PANK2: variants seen among roughly 807,000 people sequenced by gnomAD.
PANK2 encodes the protein pantothenate kinase 2.
PANK2 carries 36 observed loss-of-function variants against 43.1 expected under a neutral mutation model. That is an observed-to-expected ratio of 0.84 (90% CI 0.64 to 1.10). The LOEUF is 1.10. Among genes scored for constraint, PANK2 ranks in the 50% least tolerant of loss-of-function variants. The pLI is 0.00. For missense variants in PANK2, 576 were observed against 593.3 expected (o/e 0.97, Z 0.30); for synonymous variants, 281 against 238.2 (o/e 1.18, Z -1.66).
At chr20:3,900,654 C>T (rs910163147) in intron 1 of PANK2, among the ~76,000 whole-genome samples, 1 of 151,908 alleles carries the variant, frequency 6.6e-6, no homozygotes, top group Non-Finnish European at 1.5e-5. Context: ...CTCCTTTTCT[C>T]TCCTAATTCC....
In PANK2 at chr20:3,889,466, G is replaced by A; in HGVS notation, c.36G>A (p.Leu12=). ...TGCTCGGGCGGCAGCGACTGCTGCTGCGGATGGGAGGGGGCCGGCTCGGCG... is the reference window on the plus strand; with the variant it reads ...TGCTCGGGCGGCAGCGACTGCTGCTACGGATGGGAGGGGGCCGGCTCGGCG... The change falls in exon 1 of 7, where the codon CTG becomes CTA. Residue 12 remains leucine, a synonymous_variant. Coordinates refer to ENST00000610179, the MANE Select transcript of PANK2 (RefSeq NM_001386393.1). 6.5e-7 allele frequency: 1 copy of A among 1,536,376 alleles called. No individual in the cohort carries two copies. The highest frequency in any genetic ancestry group is 1.2e-5 in the South Asian group (1 of 83,002).
chr20:3,894,823 G>A (rs1264620645), intron 1 of PANK2, among the ~76,000 whole-genome samples: 1 of 152,084 alleles, frequency 6.6e-6, no homozygotes, highest in Non-Finnish European at 1.5e-5. Flanking sequence ...CAATAAGCAG[G>A]GACTAAAAAT....
chr20:3,889,362 GGCGGCCGGCCGAGGGC>G (rs767580740), upstream of PANK2: 1 of 1,580,026 alleles, frequency 6.3e-7, no homozygotes, highest in Non-Finnish European at 8.6e-7. Flanking sequence ...CAACGGAAGA[GGCGGCCGGCCGAGGGC>G]GCGCCTCTGC....
intron 1 of PANK2, among the ~76,000 whole-genome samples, chr20:3,899,074 C>G (rs375051086): frequency 6.6e-6 from 1 of 151,838 alleles, no homozygotes; most frequent in East Asian, 1.9e-4. Context: ...CGGGGTTTCA[C>G]CATCTTGGCC....
chr20:3,889,915 G>T (rs930451953), intron 1 of PANK2, 187 bp downstream of exon 1: 1 of 1,530,986 alleles, frequency 6.5e-7, no homozygotes, highest in Admixed American at 2.0e-5. Context: ...ACCTTCGGGG[G>T]CCCCCCCGCA....
rs1286208693 is a variant in PANK2, at chr20:3,925,499, G to A, written c.*2205G>A. ...TCCGCCTGCCTTGGCCTCCCAAAGT[G>A]CTGGGAATACAGGTGTGAGCCCCTG... On this transcript the variant is annotated 3_prime_UTR_variant, in exon 7 of 7. Coordinates refer to ENST00000610179, the MANE Select transcript of PANK2 (RefSeq NM_001386393.1). 2 of 152,362 alleles carry A rather than the reference G, an allele frequency of 1.3e-5. No homozygotes were observed. Among genetic ancestry groups the A allele is most frequent in the East Asian group, 3.8e-4 (2 of 5,196 alleles). The allele number at this position is 152,362 out of a possible 1,614,324, so 9.4% of individuals were successfully genotyped here.
At position 3,908,032 on chromosome 20, in the gene PANK2, TAA is replaced by T; in HGVS notation, c.408_409del (p.Ser137HisfsTer44). On this transcript the variant is annotated frameshift_variant, in exon 2 of 7. Coordinates refer to ENST00000610179, the MANE Select transcript of PANK2 (RefSeq NM_001386393.1). LOFTEE classifies it high-confidence loss of function. ...AAGAAGAGGAAGAAGTGGAAAGTCT[TAA>T]AAGCATTCGGAAGTACCTGACCTCC... 1.2e-6 allele frequency: 2 copies of T among 1,614,120 alleles called. No homozygotes were observed. Among genetic ancestry groups the T allele is most frequent in the Non-Finnish European group, 1.7e-6 (2 of 1,179,992 alleles).
intron 1 of PANK2, among the ~76,000 whole-genome samples, chr20:3,902,421 C>T (rs1015950925): frequency 6.6e-6 from 1 of 151,672 alleles, no homozygotes; most frequent in African/African-American, 2.4e-5. Flanking sequence ...CTTCCACCTC[C>T]CAGGTTCAAG....
chr20:3,892,738 C>T lies in PANK2; in HGVS notation c.298+3010C>T, dbSNP rs148145441. ...ACTTGTCTAAAGGTGCAGATAGATA[C>T]TAGTTGTCATTTGAAAGTCGAAGGA... On this transcript the variant is annotated intron_variant, in intron 1 of 6. Coordinates refer to ENST00000610179, the MANE Select transcript of PANK2 (RefSeq NM_001386393.1). Among the ~76,000 whole-genome samples the T allele has an allele frequency of 4.7e-3, 697 of 148,738 alleles. 7 individuals are homozygous for T. The highest frequency in any genetic ancestry group is 0.023 in the Admixed American group (342 of 14,896).
intron 3 of PANK2, 133 bp downstream of exon 3, chr20:3,910,963 CTT>C: frequency 8.6e-7 from 1 of 1,158,016 alleles, no homozygotes; most frequent in South Asian, 1.4e-5. Flanking sequence ...AAATGTTTCT[CTT>C]TGAAAATTCT....
chr20:3,911,585 A>AT (rs2090469069), intron 3 of PANK2, among the ~76,000 whole-genome samples: 1 of 149,084 alleles, frequency 6.7e-6, no homozygotes, highest in Admixed American at 6.7e-5. Context: ...CTCCGTCTCA[A>AT]AAAAAAAAGA....
chr20:3,890,037 C>A, intron 1 of PANK2: 1 of 900,848 alleles, frequency 1.1e-6, no homozygotes, highest in Non-Finnish European at 1.6e-6. Context: ...ATGATTTTAT[C>A]CTCGAGAAGG....
At chr20:3,895,341 C>T (rs2090188508) in intron 1 of PANK2, among the ~76,000 whole-genome samples, 1 of 151,754 alleles carries the variant, frequency 6.6e-6, no homozygotes, top group Admixed American at 6.6e-5. Context: ...GGCACATGGT[C>T]GTAGTCCCAG....
At chr20:3,903,170 A>C (rs1042741014) in intron 1 of PANK2, among the ~76,000 whole-genome samples, 3 of 147,424 alleles carry the variant, frequency 2.0e-5, no homozygotes, top group African/African-American at 7.6e-5. Flanking sequence ...TTTGAGACGG[A>C]GTCTCCCTCT....
chr20:3,891,928 A>G (rs552815708), intron 1 of PANK2, among the ~76,000 whole-genome samples: 1 of 152,238 alleles, frequency 6.6e-6, no homozygotes, highest in Non-Finnish European at 1.5e-5. Context: ...TCTCTGGCTG[A>G]TAAATCATGA....
chr20:3,911,543 C>T lies in PANK2; in HGVS notation c.905+713C>T, dbSNP rs147007229. 4.9e-3 allele frequency among the ~76,000 whole-genome samples: 735 copies of T among 150,038 alleles called. 10 individuals are homozygous for T. The highest frequency in any genetic ancestry group is 0.017 in the African/African-American group (706 of 40,790). ...AGGTTGCAGTAAGCCGAGATTATGC[C>T]ACTGCACTCCAGCCTGGGTGACAGA... is the stretch of plus-strand genomic sequence containing the variant. On this transcript the variant is annotated intron_variant, in intron 3 of 6. Coordinates refer to ENST00000610179, the MANE Select transcript of PANK2 (RefSeq NM_001386393.1).
Position 3,925,297 on chromosome 20 carries a change from G to A in PANK2, c.*2003G>A, listed in dbSNP as rs761125416. The A allele has an allele frequency of 7.9e-5, 12 of 152,714 alleles. No individual in the cohort carries two copies. The highest frequency in any genetic ancestry group is 1.7e-4 in the African/African-American group (7 of 41,582). 9.5% of individuals were successfully genotyped at this position (152,714 alleles called of 1,614,324 possible). A position where few individuals can be genotyped will look rare whatever the true frequency, so the allele number is the denominator to read the frequency against. On this transcript the variant is annotated 3_prime_UTR_variant, in exon 7 of 7. Coordinates refer to ENST00000610179, the MANE Select transcript of PANK2 (RefSeq NM_001386393.1). ...TCACCCAGGTGGAGTGCAGTGGGGC[G>A]ATCTCAGCTCACTGCAACCTCTGCC...
chr20:3,888,813 C>T (rs530475770), upstream of PANK2: 44 of 420,422 alleles, frequency 1.0e-4, no homozygotes, highest in African/African-American at 7.3e-4. Flanking sequence ...CCAACGCAGG[C>T]GGAAAGGAGG....
chr20:3,910,625 A>G lies in PANK2; in HGVS notation c.700A>G (p.Lys234Glu). 6.2e-7 allele frequency: 1 copy of G among 1,614,150 alleles called. No homozygotes were observed. The highest frequency in any genetic ancestry group is 1.3e-5 in the African/African-American group (1 of 75,038). ...ACTGGATGAACTAGATTGCTTGATC[A>G]AAGGAATTTTATACATTGACTCAGT... is the stretch of plus-strand genomic sequence containing the variant. Residue 234 changes from lysine to glutamate, a missense_variant, in exon 3 of 7, where the codon AAA (lysine) becomes GAA (glutamate). Coordinates refer to ENST00000610179, the MANE Select transcript of PANK2 (RefSeq NM_001386393.1).
Sources: allele counts gnomAD v4.1 joint callset (sites outside exome capture counted in the v4.1 genomes callset), GRCh38; gene constraint gnomAD v4.1.1; transcripts MANE v1.5; gene names NCBI Gene and HGNC (gene_info 2026-07-23, HGNC 2026-07-21).